Variants in SHANK2 observed in about 807,000 individuals in gnomAD.
The protein encoded by SHANK2 is SH3 and multiple ankyrin repeat domains 2.
In SHANK2, 43 loss-of-function variants were observed where a neutral mutation model predicts 133.7. The ratio of observed to expected loss-of-function variants is 0.32; its 90% confidence interval spans 0.25 to 0.41. SHANK2 has a LOEUF of 0.41. Among genes scored for constraint, SHANK2 ranks in the 10% least tolerant of loss-of-function variants. The pLI is 1.00. For synonymous variants in SHANK2, 1,017 were observed against 952.8 expected, an observed-to-expected ratio of 1.07 and a Z score of -1.24; for missense variants, 1,994 against 2,235.8, an observed-to-expected ratio of 0.89 and a Z score of 2.18.
intron 17 of SHANK2, among the ~76,000 whole-genome samples, chr11:70,639,885 A>G (rs561794993): frequency 6.6e-6 from 1 of 152,152 alleles, no homozygotes; most frequent in African/African-American, 2.4e-5. Flanking sequence ...CGTGGCTGGG[A>G]TTGGGACATC....
chr11:71,215,147 G>A (rs900632324), intron 2 of SHANK2, among the ~76,000 whole-genome samples: 1 of 152,128 alleles, frequency 6.6e-6, no homozygotes, highest in Admixed American at 6.5e-5. Context: ...AAAACCCCTC[G>A]TGATAGTGCA....
chr11:70,539,103 C>T (rs2059580725), intron 17 of SHANK2, among the ~76,000 whole-genome samples: 1 of 152,196 alleles, frequency 6.6e-6, no homozygotes, highest in South Asian at 2.1e-4. Context: ...CTGCGGCACA[C>T]AGAGGATCAG....
At chr11:70,515,914 T>C (rs899613275) in intron 17 of SHANK2, among the ~76,000 whole-genome samples, 1 of 152,234 alleles carries the variant, frequency 6.6e-6, no homozygotes, top group African/African-American at 2.4e-5. Flanking sequence ...TTTTTTTCTT[T>C]GATCTCACTG....
chr11:71,198,763 G>C (rs1205875258), intron 2 of SHANK2, among the ~76,000 whole-genome samples: 1 of 152,204 alleles, frequency 6.6e-6, no homozygotes, highest in South Asian at 2.1e-4. Context: ...CTCTGAGGCA[G>C]ATGTCTCGTG....
chr11:70,567,658 TGAG>T (rs2059985079), intron 17 of SHANK2, among the ~76,000 whole-genome samples: 1 of 147,568 alleles, frequency 6.8e-6, no homozygotes, highest in East Asian at 2.0e-4. Flanking sequence ...GAACTGGAGA[TGAG>T]GACACAGACA....
chr11:71,115,217 C>T (rs1196330403), intron 4 of SHANK2, among the ~76,000 whole-genome samples: 3 of 152,154 alleles, frequency 2.0e-5, no homozygotes, highest in African/African-American at 7.2e-5. Context: ...GCCTGTAATC[C>T]CAGCACTTTG....
At chr11:71,134,067 C>G (rs1952388475) in intron 3 of SHANK2, among the ~76,000 whole-genome samples, 1 of 151,580 alleles carries the variant, frequency 6.6e-6, no homozygotes, top group Non-Finnish European at 1.5e-5. Flanking sequence ...TTACCTTTCT[C>G]GGTGGACTGG....
At chr11:70,557,106 A>G (rs7945377) in intron 17 of SHANK2, among the ~76,000 whole-genome samples, 118,875 of 152,068 alleles carry the variant, frequency 0.78, 47,075 homozygotes, top group Middle Eastern at 0.89. Flanking sequence ...AACCACTTCC[A>G]TATTTCAAGT....
In SHANK2 at chr11:70,500,567, T is replaced by C. The variant is rs1555158190; in HGVS notation, c.2308+3A>G. ...GCTGAGACAGACACTGGGCCTCCCT[T>C]ACCCTTCTTCTTCCGGACCGAGGCT... On this transcript the variant is annotated splice_donor_region_variant and intron_variant, in intron 21 of 25. Coordinates refer to ENST00000601538, the MANE Select transcript of SHANK2 (RefSeq NM_012309.5). The surrounding 1 kb of genome is among the most constrained non-coding windows in gnomAD (Gnocchi z 4.5). 2.5e-6 allele frequency: 4 copies of C among 1,603,624 alleles called. No individual in the cohort carries two copies. The South Asian group carries it at 4.5e-5, about 18-fold the overall frequency.
intron 15 of SHANK2, among the ~76,000 whole-genome samples, chr11:70,662,585 C>G (rs1417423636): frequency 6.6e-6 from 1 of 152,228 alleles, no homozygotes; most frequent in East Asian, 1.9e-4. Context: ...CACCAGCCCC[C>G]TCTGGGGATG....
chr11:70,895,104 A>G (rs939087390), intron 11 of SHANK2, among the ~76,000 whole-genome samples: 4 of 152,194 alleles, frequency 2.6e-5, no homozygotes, highest in African/African-American at 9.6e-5. Flanking sequence ...CACAGGAGGG[A>G]TGTGCAAGTC....
At chr11:70,821,576 C>G (rs190922212) in intron 11 of SHANK2, among the ~76,000 whole-genome samples, 156 of 152,260 alleles carry the variant, frequency 1.0e-3, no homozygotes, top group African/African-American at 3.7e-3. Flanking sequence ...CAGGTGCCCG[C>G]CACCACGCCT....
rs2059321500 is a variant in SHANK2 at position 70,520,839 on chromosome 11, T to G, written c.2062-17908A>C. Among the ~76,000 whole-genome samples, 3 of 152,254 alleles carry G rather than the reference T, an allele frequency of 2.0e-5. No homozygotes were observed. The South Asian group carries it at 6.2e-4, about 32-fold the overall frequency. ...TGTGACTTTATTTTCTAGCTCAAAT[T>G]GTCCCGGCCGTGGTCTTTGGGAGCT... is the stretch of plus-strand genomic sequence containing the variant. On this transcript the variant is annotated intron_variant, in intron 17 of 25. Transcript: ENST00000601538.
At chr11:71,085,668 ATGT>A (rs1951379472) in intron 8 of SHANK2, among the ~76,000 whole-genome samples, 15 of 19,262 alleles carry the variant, frequency 7.8e-4, no homozygotes, top group African/African-American at 1.4e-3. Flanking sequence ...TATATTATAT[ATGT>A]TATATATATA....
chr11:70,723,911 T>C (rs1555029876), intron 14 of SHANK2, among the ~76,000 whole-genome samples: 2 of 151,966 alleles, frequency 1.3e-5, no homozygotes, highest in African/African-American at 2.4e-5. Context: ...TTCTGAGTAC[T>C]CTAGGGACAG....
Position 70,609,074 on chromosome 11 carries a change from G to A in SHANK2, c.2061+50754C>T, listed in dbSNP as rs573695545. On this transcript the variant is annotated intron_variant, in intron 17 of 25. Coordinates refer to ENST00000601538, the MANE Select transcript of SHANK2 (RefSeq NM_012309.5). ...CCTGTTGGCAGGAGGGCCCAGCCAC[G>A]TGGAGCTGCAGCAAGTGGTCGCGTT... Among the ~76,000 whole-genome samples the A allele has an allele frequency of 4.6e-5, 7 of 152,344 alleles. No individual in the cohort carries two copies. In the East Asian group the frequency reaches 7.7e-4, roughly 17 times the overall value.
intron 17 of SHANK2, among the ~76,000 whole-genome samples, chr11:70,601,534 T>A (rs2060497554): frequency 6.6e-6 from 1 of 152,112 alleles, no homozygotes; most frequent in Non-Finnish European, 1.5e-5. Flanking sequence ...GTATTTTTAG[T>A]GGAGACAGGG....
At chr11:70,541,333 G>A (rs1471745684) in intron 17 of SHANK2, among the ~76,000 whole-genome samples, 5 of 152,150 alleles carry the variant, frequency 3.3e-5, no homozygotes, top group African/African-American at 7.2e-5. Context: ...TCAGCCTGGC[G>A]GGAACAGTAG....
chr11:70,524,245 G>GCTGCTGCA (rs2059367828), intron 17 of SHANK2, among the ~76,000 whole-genome samples: 1 of 152,242 alleles, frequency 6.6e-6, no homozygotes, highest in Non-Finnish European at 1.5e-5. Context: ...GGGCAGTGCA[G>GCTGCTGCA]CTGTGAATGC....
Sources: allele counts gnomAD v4.1 joint callset (sites outside exome capture counted in the v4.1 genomes callset), GRCh38; gene constraint gnomAD v4.1.1; non-coding constraint Gnocchi (gnomAD v3.1); transcripts MANE v1.5; gene names NCBI Gene and HGNC (gene_info 2026-07-23, HGNC 2026-07-21).